CPQ: variants seen among roughly 807,000 people sequenced by gnomAD.
The protein encoded by CPQ is carboxypeptidase Q.
CPQ carries 37 observed loss-of-function variants against 45.7 expected under a neutral mutation model. The ratio of observed to expected loss-of-function variants is 0.81; its 90% CI spans 0.62 to 1.07. The LOEUF is 1.07. CPQ is among the 50% of genes least tolerant of loss of function. CPQ has a pLI of 0.00. For synonymous variants in CPQ, 186 were observed against 205.8 expected (o/e 0.90, Z 0.82); for missense variants, 537 against 572.9 (o/e 0.94, Z 0.64).
intron 7 of CPQ, among the ~76,000 whole-genome samples, chr8:97,072,457 T>C (rs189124394): frequency 6.6e-6 from 1 of 151,992 alleles, no homozygotes; most frequent in Non-Finnish European, 1.5e-5. Flanking sequence ...CACCTGTTCC[T>C]CAATAACGTA....
At chr8:96,803,577 A>G (rs529284304) in intron 2 of CPQ, among the ~76,000 whole-genome samples, 2 of 152,302 alleles carry the variant, frequency 1.3e-5, no homozygotes, top group Non-Finnish European at 2.9e-5. Flanking sequence ...TGAAGCCAGT[A>G]ATGAGTTTGG....
intron 1 of CPQ, among the ~76,000 whole-genome samples, chr8:96,687,683 C>T (rs573955506): frequency 6.6e-6 from 1 of 151,056 alleles, no homozygotes; most frequent in South Asian, 2.1e-4. Context: ...ATTGTTCTTT[C>T]TTCGATTGTT....
chr8:97,027,398 G>C (rs1809821730), intron 5 of CPQ, among the ~76,000 whole-genome samples: 1 of 152,076 alleles, frequency 6.6e-6, no homozygotes, highest in Non-Finnish European at 1.5e-5. Context: ...GTGTTATGTG[G>C]TTTTATTTTT....
At chr8:96,674,134 A>G (rs529267257) in intron 1 of CPQ, among the ~76,000 whole-genome samples, 1 of 152,196 alleles carries the variant, frequency 6.6e-6, no homozygotes, top group Admixed American at 6.5e-5. Context: ...AATTTTCAAC[A>G]TTGGCAAAAT....
intron 2 of CPQ, among the ~76,000 whole-genome samples, chr8:96,826,288 C>T (rs1259963697): frequency 1.3e-5 from 2 of 151,986 alleles, no homozygotes; most frequent in African/African-American, 4.8e-5. Context: ...ACAATCTTCC[C>T]TAAGGTATCA....
At chr8:96,968,590 C>G (rs1012732579) in intron 5 of CPQ, among the ~76,000 whole-genome samples, 2 of 152,188 alleles carry the variant, frequency 1.3e-5, no homozygotes, top group East Asian at 3.9e-4. Flanking sequence ...GTGGCAATCT[C>G]TTTTTCCAAG....
intron 1 of CPQ, among the ~76,000 whole-genome samples, chr8:96,654,403 A>G (rs879868543): frequency 1.3e-5 from 2 of 152,178 alleles, no homozygotes; most frequent in East Asian, 1.9e-4. Context: ...AGCTTTTTCT[A>G]TAACAATGAT....
chr8:97,093,557 T>C (rs1811160211), intron 7 of CPQ, among the ~76,000 whole-genome samples: 1 of 151,872 alleles, frequency 6.6e-6, no homozygotes, highest in African/African-American at 2.4e-5. Flanking sequence ...AAAATAAAAG[T>C]TGGATAGAAA....
intron 1 of CPQ, among the ~76,000 whole-genome samples, chr8:96,724,203 T>A (rs1809802016): frequency 6.6e-6 from 1 of 152,136 alleles, no homozygotes; most frequent in African/African-American, 2.4e-5. Context: ...TTGTTTATAA[T>A]CTTTTGAAGT....
In CPQ at chr8:96,799,442, A is replaced by G. The variant is rs181981359; in HGVS notation, c.433+14112A>G. On this transcript the variant is annotated intron_variant, in intron 2 of 7. Transcript: ENST00000220763. ...TCTCCTCTTTTGATCTCATCAAGGA[A>G]ACAGCATTTTCAGTATTTTTTTTTT... Among the ~76,000 whole-genome samples the G allele has an allele frequency of 1.4e-3, 217 of 152,320 alleles. 4 individuals carry two copies. Among genetic ancestry groups the G allele is most frequent in the Admixed American group, 0.011 (169 of 15,296 alleles).
At chr8:96,734,570 G>A (rs904284434) in intron 1 of CPQ, among the ~76,000 whole-genome samples, 8 of 151,960 alleles carry the variant, frequency 5.3e-5, no homozygotes, top group Non-Finnish European at 1.0e-4. Context: ...AATTAGCTGG[G>A]CGTGGTGGCA....
chr8:97,081,291 AT>A (rs1467610292), intron 7 of CPQ, among the ~76,000 whole-genome samples: 1 of 152,056 alleles, frequency 6.6e-6, no homozygotes, highest in Non-Finnish European at 1.5e-5. Flanking sequence ...CTCACACAAG[AT>A]TTTATCTGAG....
At chr8:96,934,784 T>C (rs1226657986) in intron 4 of CPQ, among the ~76,000 whole-genome samples, 1 of 152,120 alleles carries the variant, frequency 6.6e-6, no homozygotes, top group Non-Finnish European at 1.5e-5. Flanking sequence ...ATGTCAAAGC[T>C]TAGAGGGAGC....
At chr8:96,752,752 T>C (rs1661997207) in intron 1 of CPQ, among the ~76,000 whole-genome samples, 1 of 152,134 alleles carries the variant, frequency 6.6e-6, no homozygotes, top group African/African-American at 2.4e-5. Context: ...CAGTGTGATA[T>C]TGCCTGTGGG....
At chr8:96,824,248 C>G (rs963778234) in intron 2 of CPQ, among the ~76,000 whole-genome samples, 2 of 152,016 alleles carry the variant, frequency 1.3e-5, no homozygotes, top group Non-Finnish European at 2.9e-5. Context: ...ACCAACCACA[C>G]TATGTGACCT....
At chr8:97,015,640 G>GTAGAAATATAAATTGGTAACCTTTCT (rs1809567234) in intron 5 of CPQ, among the ~76,000 whole-genome samples, 1 of 152,014 alleles carries the variant, frequency 6.6e-6, no homozygotes, top group East Asian at 1.9e-4. Context: ...GGCATTGCTG[G>GTAGAAATATAAATTGGTAACCTTTCT]TAGAAATATA....
At chr8:96,933,383 G>T (rs1311916202) in intron 4 of CPQ, among the ~76,000 whole-genome samples, 1 of 152,166 alleles carries the variant, frequency 6.6e-6, no homozygotes, top group Non-Finnish European at 1.5e-5. Flanking sequence ...TGGTTAGAGG[G>T]TCCAGAATGA....
At chr8:97,121,783 C>T (rs1032453480) in intron 7 of CPQ, among the ~76,000 whole-genome samples, 1 of 151,646 alleles carries the variant, frequency 6.6e-6, no homozygotes, top group Non-Finnish European at 1.5e-5. Flanking sequence ...AAATCAGAAA[C>T]ATAATGAAAA....
intron 4 of CPQ, among the ~76,000 whole-genome samples, chr8:96,886,956 G>A (rs1478560884): frequency 6.6e-6 from 1 of 152,172 alleles, no homozygotes; most frequent in Non-Finnish European, 1.5e-5. Flanking sequence ...ACCTGGGAAA[G>A]TCGCCTGTGC....
Sources: gnomAD v4.1 joint callset for allele counts (sites outside exome capture counted in the v4.1 genomes callset) on GRCh38, gnomAD v4.1.1 for gene constraint, MANE v1.5 for transcripts, NCBI Gene and HGNC (gene_info 2026-07-23, HGNC 2026-07-21) for gene names.